AGBL4: variants seen among roughly 807,000 people sequenced by gnomAD.
The protein encoded by AGBL4 is cytosolic carboxypeptidase 6.
Under a neutral mutation model 66.4 loss-of-function variants are expected in AGBL4, and 58 were observed. The observed-to-expected ratio is 0.87, with a 90% CI of 0.71 to 1.09. The LOEUF (loss-of-function observed/expected upper bound fraction) is 1.09, where lower values mean the gene tolerates loss of function less well. Among genes scored for constraint, AGBL4 ranks in the 50% least tolerant of loss-of-function variants. The pLI is 0.00. For synonymous variants in AGBL4, 234 were observed against 222.9 expected (o/e 1.05, Z -0.44); for missense variants, 579 against 631.0 (o/e 0.92, Z 0.88).
chr1:49,530,310 C>CTTTACG (rs1304290334), intron 3 of AGBL4, among the ~76,000 whole-genome samples: 2 of 100,020 alleles, frequency 2.0e-5, no homozygotes, highest in African/African-American at 3.8e-5. Flanking sequence ...TATTATTATA[C>CTTTACG]TTTACGTTTG....
At chr1:49,718,030 T>C (rs1203988486) in intron 2 of AGBL4, among the ~76,000 whole-genome samples, 1 of 152,036 alleles carries the variant, frequency 6.6e-6, no homozygotes, top group Non-Finnish European at 1.5e-5. Context: ...GAAGAAATGA[T>C]GGAAGGATGC....
chr1:49,951,267 G>A (rs1656133852), intron 1 of AGBL4, among the ~76,000 whole-genome samples: 2 of 151,868 alleles, frequency 1.3e-5, no homozygotes, highest in African/African-American at 4.8e-5. Context: ...AATGGATACT[G>A]TGAAATTTGT....
At position 49,053,667 on chromosome 1, in the gene AGBL4, T is replaced by A. The variant is rs144575847; in HGVS notation, c.378-7867A>T. Among the ~76,000 whole-genome samples, 431 of 152,312 alleles carry A rather than the reference T, an allele frequency of 2.8e-3. 1 individual carries two copies. Among genetic ancestry groups the A allele is most frequent in the South Asian group, 8.9e-3 (43 of 4,830 alleles). ...TATGCTAGGGTATAACATAAAATTATGCATTTATTTTCTTGTTTAGTTAAA... is the reference window on the plus strand; with the variant it reads ...TATGCTAGGGTATAACATAAAATTAAGCATTTATTTTCTTGTTTAGTTAAA... On this transcript the variant is annotated intron_variant, in intron 4 of 13. Transcript: ENST00000371839.
At chr1:49,993,202 T>A (rs961975223) in intron 1 of AGBL4, among the ~76,000 whole-genome samples, 1 of 152,228 alleles carries the variant, frequency 6.6e-6, no homozygotes, top group African/African-American at 2.4e-5. Context: ...AAGATTAATT[T>A]CACCATTTAA....
At chr1:49,118,460 G>A (rs114536702) in intron 4 of AGBL4, among the ~76,000 whole-genome samples, 1,839 of 151,418 alleles carry the variant, frequency 0.012, 31 homozygotes, top group African/African-American at 0.042. Flanking sequence ...CCTTTTCTGC[G>A]TTTATAGAGA....
chr1:48,860,925 GA>G (rs1271660780), intron 6 of AGBL4, among the ~76,000 whole-genome samples: 4 of 152,148 alleles, frequency 2.6e-5, no homozygotes, highest in African/African-American at 9.7e-5. Flanking sequence ...ATTGGAACTT[GA>G]ATTTCCTCCA....
At chr1:49,866,759 C>T (rs954968490) in intron 1 of AGBL4, among the ~76,000 whole-genome samples, 2 of 151,854 alleles carry the variant, frequency 1.3e-5, no homozygotes, top group Admixed American at 6.6e-5. Context: ...TTTGAAACTC[C>T]ATCTTAAATT....
chr1:49,709,545 C>T (rs1457662631), intron 2 of AGBL4, among the ~76,000 whole-genome samples: 1 of 152,080 alleles, frequency 6.6e-6, no homozygotes, highest in African/African-American at 2.4e-5. Context: ...AAAGCAATGG[C>T]AACAAAAGCA....
At chr1:48,899,238 G>T (rs932713514) in intron 5 of AGBL4, among the ~76,000 whole-genome samples, 44 of 152,348 alleles carry the variant, frequency 2.9e-4, no homozygotes, top group African/African-American at 1.0e-3. Flanking sequence ...CACCTGTGCG[G>T]GCGAGGGCCT....
intron 1 of AGBL4, among the ~76,000 whole-genome samples, chr1:49,918,643 A>G (rs1396444949): frequency 1.3e-5 from 2 of 152,242 alleles, no homozygotes; most frequent in Non-Finnish European, 2.9e-5. Flanking sequence ...TCACAGCCGA[A>G]TTCTACCAGA....
rs1661831463 is a variant in AGBL4 at position 49,006,477 on chromosome 1, C to T, written c.594+39107G>A. 4.6e-5 allele frequency among the ~76,000 whole-genome samples: 7 copies of T among 152,322 alleles called. No individual in the cohort carries two copies. The South Asian group carries it at 1.4e-3, about 32-fold the overall frequency. ...GGGCGCCCGCCATTGCCCAGGCTTGCTTAGGTAAACAAAGCAGCGGGGAAG... is the reference window on the plus strand; with the variant it reads ...GGGCGCCCGCCATTGCCCAGGCTTGTTTAGGTAAACAAAGCAGCGGGGAAG... On this transcript the variant is annotated intron_variant, in intron 5 of 13. Transcript: ENST00000371839.
At position 49,504,233 on chromosome 1, in the gene AGBL4, C is replaced by T. The variant is rs1648471850; in HGVS notation, c.282+193080G>A. 2.6e-5 allele frequency among the ~76,000 whole-genome samples: 4 copies of T among 152,054 alleles called. No individual in the cohort carries two copies. In the South Asian group the frequency reaches 8.3e-4, roughly 31 times the overall value. On this transcript the variant is annotated intron_variant, in intron 3 of 13. Transcript: ENST00000371839. ...TATGTAGAAGGAGCCTTCTTCTTCGCCTTCTGCCATGATTGTAAGTTTTCT... is the reference window on the plus strand; with the variant it reads ...TATGTAGAAGGAGCCTTCTTCTTCGTCTTCTGCCATGATTGTAAGTTTTCT...
chr1:49,288,464 T>C (rs1210025968), intron 3 of AGBL4, among the ~76,000 whole-genome samples: 2 of 151,806 alleles, frequency 1.3e-5, no homozygotes, highest in East Asian at 3.9e-4. Flanking sequence ...CTTGGCAAAA[T>C]AGGGATTGGT....
At position 49,587,441 on chromosome 1, in the gene AGBL4, A is replaced by T. The variant is rs766912217; in HGVS notation, c.282+109872T>A. ...TTATCTTATTGAGATATGGTGACTC[A>T]TCTCACCATTAGGCAACTGGTTTTA... is the stretch of plus-strand genomic sequence containing the variant. On this transcript the variant is annotated intron_variant, in intron 3 of 13. Transcript: ENST00000371839. Among the ~76,000 whole-genome samples the T allele has an allele frequency of 9.2e-5, 14 of 152,164 alleles. 1 individual carries two copies. Among genetic ancestry groups the T allele is most frequent in the Non-Finnish European group, 1.8e-4 (12 of 68,028 alleles).
intron 1 of AGBL4, among the ~76,000 whole-genome samples, chr1:49,854,816 C>T (rs1376489421): frequency 1.3e-5 from 2 of 152,174 alleles, no homozygotes; most frequent in African/African-American, 4.8e-5. Context: ...AGCCAAAATG[C>T]ACAGTTCCCA....
At chr1:49,918,923 T>C (rs1173658148) in intron 1 of AGBL4, among the ~76,000 whole-genome samples, 1 of 152,060 alleles carries the variant, frequency 6.6e-6, no homozygotes, top group Non-Finnish European at 1.5e-5. Flanking sequence ...GCAAGGCTGG[T>C]TCAACATACA....
At chr1:48,882,771 C>T (rs902517901) in intron 5 of AGBL4, among the ~76,000 whole-genome samples, 3 of 152,152 alleles carry the variant, frequency 2.0e-5, no homozygotes, top group African/African-American at 4.8e-5. Flanking sequence ...TTCCTGTCCC[C>T]AACCCCCATC....
intron 5 of AGBL4, among the ~76,000 whole-genome samples, chr1:49,042,706 A>G (rs1233153051): frequency 6.6e-6 from 1 of 152,196 alleles, no homozygotes; most frequent in Non-Finnish European, 1.5e-5. Context: ...GTAGAGTCAT[A>G]AAATTAGTTG....
At chr1:49,565,955 G>T (rs1451526997) in intron 3 of AGBL4, among the ~76,000 whole-genome samples, 4 of 151,906 alleles carry the variant, frequency 2.6e-5, no homozygotes, top group Non-Finnish European at 5.9e-5. Context: ...ATGTAGATTT[G>T]GTCTTTTCAC....
Sources: gnomAD v4.1 joint callset for allele counts (sites outside exome capture counted in the v4.1 genomes callset) on GRCh38, gnomAD v4.1.1 for gene constraint, MANE v1.5 for transcripts, NCBI Gene and HGNC (gene_info 2026-07-23, HGNC 2026-07-21) for gene names.